The following CSMD1 variants were observed in gnomAD, a reference collection of about 807,000 sequenced individuals.
CSMD1 encodes CUB and sushi domain-containing protein 1.
Under a neutral mutation model 417.5 loss-of-function variants are expected in CSMD1, and 213 were observed. That is an observed-to-expected ratio of 0.51 (90% CI 0.46 to 0.57). CSMD1 has a LOEUF of 0.57. Among genes scored for constraint, CSMD1 ranks in the 20% least tolerant of loss-of-function variants. The pLI is 0.00. For synonymous variants in CSMD1, 2,862 were observed against 1,736.8 expected, an observed-to-expected ratio of 1.65 and a Z score of -16.11; for missense variants, 6,923 against 4,529.7, an observed-to-expected ratio of 1.53 and a Z score of -15.17.
intron 7 of CSMD1, among the ~76,000 whole-genome samples, chr8:3,683,450 A>T (rs953702935): frequency 6.6e-6 from 1 of 152,138 alleles, no homozygotes; most frequent in South Asian, 2.1e-4. Context: ...GGAATTCAGA[A>T]TTAGAATCCT....
intron 1 of CSMD1, among the ~76,000 whole-genome samples, chr8:4,939,837 G>C (rs980695439): frequency 6.6e-6 from 1 of 151,974 alleles, no homozygotes; most frequent in Non-Finnish European, 1.5e-5. Flanking sequence ...ATGTGATGTA[G>C]CATGGAAGTG....
At chr8:4,546,211 C>T (rs1445819310) in intron 2 of CSMD1, among the ~76,000 whole-genome samples, 3 of 152,192 alleles carry the variant, frequency 2.0e-5, no homozygotes, top group African/African-American at 4.8e-5. Flanking sequence ...TGGCCCTGGT[C>T]GCACAAGACC....
intron 2 of CSMD1, among the ~76,000 whole-genome samples, chr8:4,447,314 A>G (rs1798873772): frequency 6.6e-6 from 1 of 152,318 alleles, no homozygotes; most frequent in South Asian, 2.1e-4. Context: ...TTATTATTAC[A>G]ATGAATTATC....
chr8:4,583,868 C>T (rs1053264986), intron 2 of CSMD1, among the ~76,000 whole-genome samples: 1 of 152,182 alleles, frequency 6.6e-6, no homozygotes, highest in South Asian at 2.1e-4. Flanking sequence ...TTTGTTCTTT[C>T]ACTCTTTGCA....
chr8:4,930,647 C>A (rs548758351), intron 1 of CSMD1, among the ~76,000 whole-genome samples: 1 of 152,248 alleles, frequency 6.6e-6, no homozygotes, highest in South Asian at 2.1e-4. Context: ...TCCTACCAAA[C>A]CCAGAAACAT....
intron 1 of CSMD1, among the ~76,000 whole-genome samples, chr8:4,752,483 T>C (rs1811395407): frequency 6.6e-6 from 1 of 152,174 alleles, no homozygotes; most frequent in South Asian, 2.1e-4. Flanking sequence ...AGATCTTTGC[T>C]AGTGGCTTTG....
At chr8:4,629,560 TGTC>T (rs1802383633) in intron 2 of CSMD1, among the ~76,000 whole-genome samples, 1 of 152,230 alleles carries the variant, frequency 6.6e-6, no homozygotes, top group Non-Finnish European at 1.5e-5. Context: ...TATTTTAACT[TGTC>T]GTTTGCCTTT....
chr8:3,363,071 G>C (rs1340059075), intron 20 of CSMD1, among the ~76,000 whole-genome samples: 1 of 152,096 alleles, frequency 6.6e-6, no homozygotes, highest in African/African-American at 2.4e-5. Context: ...CGGTTTCAGG[G>C]GTCTGGCCAC....
At chr8:4,691,561 A>G (rs751204717) in intron 1 of CSMD1, among the ~76,000 whole-genome samples, 1 of 152,166 alleles carries the variant, frequency 6.6e-6, no homozygotes, top group Non-Finnish European at 1.5e-5. Flanking sequence ...ACCATTTGTT[A>G]TGTTATCTTG....
At chr8:4,185,880 G>C (rs1263952681) in intron 3 of CSMD1, among the ~76,000 whole-genome samples, 2 of 152,170 alleles carry the variant, frequency 1.3e-5, no homozygotes, top group Admixed American at 6.5e-5. Context: ...TGAGTACTAA[G>C]ATCACGGCTT....
At chr8:4,060,744 C>G (rs776795944) in intron 3 of CSMD1, among the ~76,000 whole-genome samples, 1 of 152,170 alleles carries the variant, frequency 6.6e-6, no homozygotes, top group Non-Finnish European at 1.5e-5. Context: ...AGCATCACAG[C>G]TATTCATGTT....
At chr8:4,241,200 A>G (rs903744386) in intron 3 of CSMD1, among the ~76,000 whole-genome samples, 2 of 152,194 alleles carry the variant, frequency 1.3e-5, no homozygotes, top group African/African-American at 4.8e-5. Flanking sequence ...CCAGTCAAAC[A>G]AAGTCCATGA....
chr8:2,955,531 A>C, intron 64 of CSMD1, 58 bp downstream of exon 64: 1 of 1,557,648 alleles, frequency 6.4e-7, no homozygotes, highest in African/African-American at 1.3e-5. Flanking sequence ...CCTGATGGGC[A>C]GCTGATCCTT....
intron 4 of CSMD1, among the ~76,000 whole-genome samples, chr8:4,016,420 G>A (rs1265188252): frequency 6.6e-6 from 1 of 152,130 alleles, no homozygotes; most frequent in African/African-American, 2.4e-5. Flanking sequence ...GCATGACCCT[G>A]CAGCTGCACT....
At chr8:4,621,158 T>G (rs1330921743) in intron 2 of CSMD1, among the ~76,000 whole-genome samples, 16 of 152,058 alleles carry the variant, frequency 1.1e-4, no homozygotes, top group Admixed American at 9.8e-4. Flanking sequence ...TTTTTCGAAT[T>G]TTGGAATATA....
rs1321523233 is a variant in CSMD1, at chr8:3,052,792, T to G, written c.7475-145A>C. The stretch of plus-strand genomic sequence containing the variant: ...ATTTCTTTTTTTTTCTTTCTTTTTT[T>G]TTTCTGGAGACAAGAGTTTTGTGCT... On this transcript the variant is annotated intron_variant, in intron 49 of 69. Transcript: ENST00000635120. 109 of 587,876 alleles carry G rather than the reference T, an allele frequency of 1.9e-4. 2 individuals carry two copies. The South Asian group carries it at 2.8e-3, about 15-fold the overall frequency. The allele number at this position is 587,876 out of a possible 1,614,324, so 36.4% of individuals were successfully genotyped here.
At chr8:3,461,389 T>TC (rs1816491553) in intron 12 of CSMD1, among the ~76,000 whole-genome samples, 1 of 152,180 alleles carries the variant, frequency 6.6e-6, no homozygotes, top group Admixed American at 6.5e-5. Flanking sequence ...GATGTGGTCT[T>TC]CACCCTAAAT....
chr8:4,317,301 T>C (rs1798990516), intron 3 of CSMD1, among the ~76,000 whole-genome samples: 1 of 152,214 alleles, frequency 6.6e-6, no homozygotes, highest in Non-Finnish European at 1.5e-5. Flanking sequence ...GTGTGATTTG[T>C]ATAAATTTCC....
At chr8:3,884,592 G>A (rs112633705) in intron 5 of CSMD1, among the ~76,000 whole-genome samples, 17 of 152,032 alleles carry the variant, frequency 1.1e-4, no homozygotes, top group African/African-American at 3.4e-4. Flanking sequence ...TGGAAACATC[G>A]GTGAGAAGTC....
Sources: allele counts gnomAD v4.1 joint callset (sites outside exome capture counted in the v4.1 genomes callset), GRCh38; gene constraint gnomAD v4.1.1; transcripts MANE v1.5; gene names NCBI Gene and HGNC (gene_info 2026-07-23, HGNC 2026-07-21).